Variants in TMEM8B observed in about 807,000 individuals in gnomAD.
The protein encoded by TMEM8B is nasopharyngeal carcinoma expressed 6.
Under a neutral mutation model 49.3 loss-of-function variants are expected in TMEM8B, and 29 were observed. That is an observed-to-expected ratio of 0.59 (90% CI 0.44 to 0.80). The LOEUF is 0.80. TMEM8B is among the 30% of genes least tolerant of loss of function. The pLI is 0.00. For missense variants in TMEM8B, 575 were observed against 658.5 expected, an observed-to-expected ratio of 0.87 and a Z score of 1.39; for synonymous variants, 264 against 272.8, an observed-to-expected ratio of 0.97 and a Z score of 0.32.
chr9:35,840,891 C>T (rs1260339357), intron 3 of TMEM8B, among the ~76,000 whole-genome samples: 2 of 152,128 alleles, frequency 1.3e-5, no homozygotes, highest in Non-Finnish European at 2.9e-5. Flanking sequence ...GGGTTTGAAT[C>T]CCAAAACCTC....
At position 35,853,976 on chromosome 9, in the gene TMEM8B, C is replaced by T; in HGVS notation, c.*136C>T. ...TCTTTCTCAAGGACACAAAACTCTT[C>T]CAGGGACCTGGAGCCCTTCCCAGGA... On this transcript the variant is annotated 3_prime_UTR_variant, in exon 13 of 13. Transcript: ENST00000643932. This position sits in a 1 kb window ranked among gnomAD's most constrained non-coding sequence, Gnocchi z 4.2. 7.3e-7 allele frequency: 1 copy of T among 1,373,248 alleles called. No individual in the cohort carries two copies. The highest frequency in any genetic ancestry group is 3.2e-5 in the Admixed American group (1 of 30,870). 85.1% of individuals were successfully genotyped at this position (1,373,248 alleles called of 1,614,324 possible). A position where few individuals can be genotyped will look rare whatever the true frequency, so the allele number is the denominator to read the frequency against.
At chr9:35,851,538 A>T (rs1832137094) in intron 10 of TMEM8B, among the ~76,000 whole-genome samples, 1 of 152,244 alleles carries the variant, frequency 6.6e-6, no homozygotes, top group Non-Finnish European at 1.5e-5. Context: ...ACAGTATATT[A>T]AGAGGGAACC....
rs1490469460 is a variant in TMEM8B at position 35,842,825 on chromosome 9, C to T, written c.1635+108C>T. On this transcript the variant is annotated intron_variant, in intron 6 of 12. Transcript: ENST00000643932. The surrounding 1 kb of genome is among the most constrained non-coding windows in gnomAD (Gnocchi z 5.6). ...CTCCAGGAAGCCTGTCCAGGTTGCT[C>T]CCACCCATCCTGACAATTAGGGACC... is the stretch of plus-strand genomic sequence containing the variant. The T allele has an allele frequency of 2.5e-6, 3 of 1,207,602 alleles. No homozygotes were observed. Among genetic ancestry groups the T allele is most frequent in the Admixed American group, 5.7e-5 (2 of 35,088 alleles). 74.8% of individuals were successfully genotyped at this position (1,207,602 alleles called of 1,614,324 possible). A position where few individuals can be genotyped will look rare whatever the true frequency, so the allele number is the denominator to read the frequency against.
At chr9:35,835,620 C>T (rs1026462816) in intron 3 of TMEM8B, among the ~76,000 whole-genome samples, 1 of 152,216 alleles carries the variant, frequency 6.6e-6, no homozygotes. Context: ...TGACAATAGC[C>T]CTGAAGACTC....
chr9:35,830,736 T>A (rs145180758), intron 1 of TMEM8B, among the ~76,000 whole-genome samples: 398 of 152,320 alleles, frequency 2.6e-3, no homozygotes, highest in African/African-American at 8.2e-3. Flanking sequence ...ACCTCCCTTC[T>A]CCCCGGTCTG....
In TMEM8B at chr9:35,841,117, C is replaced by T. The variant is rs910477138; in HGVS notation, c.907-17C>T. 4.8e-6 allele frequency: 2 copies of T among 415,686 alleles called. No individual in the cohort carries two copies. The highest frequency in any genetic ancestry group is 8.8e-6 in the Non-Finnish European group (2 of 226,436). The allele number at this position is 415,686 out of a possible 1,614,324, so 25.7% of individuals were successfully genotyped here. A position where few individuals can be genotyped will look rare whatever the true frequency, so the allele number is the denominator to read the frequency against. On this transcript the variant is annotated splice_polypyrimidine_tract_variant and intron_variant, in intron 3 of 12. Coordinates refer to ENST00000643932, the MANE Select transcript of TMEM8B (RefSeq NM_001042590.4). The surrounding 1 kb of genome is among the most constrained non-coding windows in gnomAD (Gnocchi z 5.9). ...CTGCTGTCTCTCCCTCTCCTGCCACCCCTGCTTTTGTCCCAGGGTCTCCAG... is the reference window on the plus strand; with the variant it reads ...CTGCTGTCTCTCCCTCTCCTGCCACTCCTGCTTTTGTCCCAGGGTCTCCAG...
chr9:35,847,665 G>A lies in TMEM8B; in HGVS notation c.2175+670G>A, dbSNP rs551010453. On this transcript the variant is annotated intron_variant, in intron 10 of 12. Coordinates refer to ENST00000643932, the MANE Select transcript of TMEM8B (RefSeq NM_001042590.4). ...CTCAACTATGTCCTGAGGCATTGTCGGAAGTGGCAGTGTCATATCACATCC... is the reference window on the plus strand; with the variant it reads ...CTCAACTATGTCCTGAGGCATTGTCAGAAGTGGCAGTGTCATATCACATCC... 3.3e-5 allele frequency among the ~76,000 whole-genome samples: 5 copies of A among 152,286 alleles called. No homozygotes were observed. In the South Asian group the frequency reaches 8.3e-4, roughly 25 times the overall value.
chr9:35,849,912 A>T (rs527428129), intron 10 of TMEM8B, among the ~76,000 whole-genome samples: 7 of 152,342 alleles, frequency 4.6e-5, no homozygotes, highest in Admixed American at 3.9e-4. Flanking sequence ...GAATCCTTGT[A>T]ATTAGATCTC....
intron 1 of TMEM8B, chr9:35,833,261 C>T: frequency 2.1e-6 from 2 of 966,932 alleles, no homozygotes; most frequent in Non-Finnish European, 2.5e-6. Flanking sequence ...TGAAAATGCC[C>T]CTCCAGAGTA....
intron 3 of TMEM8B, among the ~76,000 whole-genome samples, chr9:35,838,968 T>C (rs780672243): frequency 6.6e-6 from 1 of 152,246 alleles, no homozygotes; most frequent in Admixed American, 6.5e-5. Context: ...CACAGTAGCC[T>C]CATAAGTGGT....
In TMEM8B at chr9:35,853,902, G is replaced by GT. The variant is rs1175260720; in HGVS notation, c.*63dup. ...GCTTCCTAGAGTTCTTTCTGGGGGT[G>GT]TGGAGCCCTCTTAGAAGGAGACAGG... On this transcript the variant is annotated 3_prime_UTR_variant, in exon 13 of 13. Coordinates refer to ENST00000643932, the MANE Select transcript of TMEM8B (RefSeq NM_001042590.4). The surrounding 1 kb of genome is among the most constrained non-coding windows in gnomAD (Gnocchi z 4.2). 5 of 1,483,432 alleles carry GT rather than the reference G, an allele frequency of 3.4e-6. No individual in the cohort carries two copies. Among genetic ancestry groups the GT allele is most frequent in the Non-Finnish European group, 4.5e-6 (5 of 1,122,746 alleles). 91.9% of individuals were successfully genotyped at this position (1,483,432 alleles called of 1,614,324 possible).
chr9:35,854,112 G>T lies in TMEM8B; in HGVS notation c.*272G>T. 2.0e-6 allele frequency: 2 copies of T among 1,004,470 alleles called. No individual in the cohort carries two copies. The highest frequency in any genetic ancestry group is 2.5e-6 in the Non-Finnish European group (2 of 788,016). 62.2% of individuals were successfully genotyped at this position (1,004,470 alleles called of 1,614,324 possible). A position where few individuals can be genotyped will look rare whatever the true frequency, so the allele number is the denominator to read the frequency against. ...TCAGGACCAAGGAGTCCCTCCTGCA[G>T]GTGTGGAGCCTTTCCTGGGATGCAG... is the stretch of plus-strand genomic sequence containing the variant. On this transcript the variant is annotated 3_prime_UTR_variant, in exon 13 of 13. Coordinates refer to ENST00000643932, the MANE Select transcript of TMEM8B (RefSeq NM_001042590.4).
Position 35,862,196 on chromosome 9 carries a change from T to G in TMEM8B, c.*8356T>G, listed in dbSNP as rs1418216569. ...GAGACAGACCTGGCTCCTGCCCTCA[T>G]GGAGTTTGCAGTCATTCATTCACTC... On this transcript the variant is annotated 3_prime_UTR_variant, in exon 13 of 13. Coordinates refer to ENST00000643932, the MANE Select transcript of TMEM8B (RefSeq NM_001042590.4). 1 of 152,268 alleles carries G rather than the reference T, an allele frequency of 6.6e-6. No individual in the cohort carries two copies. The highest frequency in any genetic ancestry group is 2.4e-5 in the African/African-American group (1 of 41,456). 9.4% of individuals were successfully genotyped at this position (152,268 alleles called of 1,614,324 possible).
rs112570874 is a variant in TMEM8B at position 35,860,861 on chromosome 9, G to A, written c.*7021G>A. 0.034 allele frequency: 5,177 copies of A among 152,342 alleles called. 117 individuals carry two copies. The highest frequency in any genetic ancestry group is 0.054 in the Non-Finnish European group (3,680 of 68,044). The allele number at this position is 152,342 out of a possible 1,614,324, so 9.4% of individuals were successfully genotyped here. ...GTGGAGGTGCGGTCAGTTGTGACCA[G>A]CTTTGCAAAGGGAGCGGTGGGCGAG... On this transcript the variant is annotated 3_prime_UTR_variant, in exon 13 of 13. Transcript: ENST00000643932.
At chr9:35,851,732 T>G (rs1194117914) in intron 10 of TMEM8B, among the ~76,000 whole-genome samples, 1 of 152,220 alleles carries the variant, frequency 6.6e-6, no homozygotes, top group Non-Finnish European at 1.5e-5. Context: ...ACCCAAAGTT[T>G]CCTGATGCCA....
At position 35,858,232 on chromosome 9, in the gene TMEM8B, C is replaced by G. The variant is rs1246979588; in HGVS notation, c.*4392C>G. The G allele has an allele frequency of 2.6e-5, 4 of 151,828 alleles. No homozygotes were observed. Among genetic ancestry groups the G allele is most frequent in the African/African-American group, 9.7e-5 (4 of 41,288 alleles). 9.4% of individuals were successfully genotyped at this position (151,828 alleles called of 1,614,324 possible). Reference sequence around the variant, plus strand: ...CGATCCTCCCTAGTAGCTGGGATTACAGGTGCACCACCACACCTGGCTAAT... The same window carrying G: ...CGATCCTCCCTAGTAGCTGGGATTAGAGGTGCACCACCACACCTGGCTAAT... On this transcript the variant is annotated 3_prime_UTR_variant, in exon 13 of 13. Coordinates refer to ENST00000643932, the MANE Select transcript of TMEM8B (RefSeq NM_001042590.4).
intron 3 of TMEM8B, among the ~76,000 whole-genome samples, chr9:35,839,985 G>A (rs1830812819): frequency 6.6e-6 from 1 of 152,198 alleles, no homozygotes; most frequent in Non-Finnish European, 1.5e-5. Context: ...TCTGAGCCAT[G>A]GAACTCAGTG....
In TMEM8B at chr9:35,853,294, C is replaced by T; in HGVS notation, c.2439+37C>T. ...GAGGGATGTGGGGGGAGGGTCCCAG[C>T]AGGACTTGGGTGCTGGGCCCCAGGT... On this transcript the variant is annotated intron_variant, in intron 12 of 12. Coordinates refer to ENST00000643932, the MANE Select transcript of TMEM8B (RefSeq NM_001042590.4). The surrounding 1 kb of genome is among the most constrained non-coding windows in gnomAD (Gnocchi z 4.2). 6.4e-7 allele frequency: 1 copy of T among 1,574,158 alleles called. No homozygotes were observed. Among genetic ancestry groups the T allele is most frequent in the Non-Finnish European group, 8.7e-7 (1 of 1,144,898 alleles).
Position 35,853,003 on chromosome 9 carries a change from C to A in TMEM8B, c.2322+30C>A, listed in dbSNP as rs746145819. 3.3e-5 allele frequency: 53 copies of A among 1,613,704 alleles called. No homozygotes were observed. The highest frequency in any genetic ancestry group is 2.3e-4 in the Admixed American group (14 of 59,980). ...GTCCAGAGTGGGCCCTGGGGAACAA[C>A]CATGGCCAAGTCTCCTTGAAATCCA... On this transcript the variant is annotated intron_variant, in intron 11 of 12. Transcript: ENST00000643932. The surrounding 1 kb of genome is among the most constrained non-coding windows in gnomAD (Gnocchi z 4.2).
Sources: gnomAD v4.1 joint callset for allele counts (sites outside exome capture counted in the v4.1 genomes callset) on GRCh38, gnomAD v4.1.1 for gene constraint, Gnocchi (gnomAD v3.1) non-coding constraint, MANE v1.5 for transcripts, NCBI Gene and HGNC (gene_info 2026-07-23, HGNC 2026-07-21) for gene names.